WDR35: variants seen among roughly 807,000 people sequenced by gnomAD.
WDR35 encodes WD repeat-containing protein 35.
In WDR35, 118 loss-of-function variants were observed where a neutral mutation model predicts 158.3. That is an observed-to-expected ratio of 0.75 (90% CI 0.64 to 0.87). WDR35 has a LOEUF of 0.87. WDR35 is among the 40% of genes least tolerant of loss of function. WDR35 has a pLI of 0.00. For missense variants in WDR35, 1,263 were observed against 1,405.8 expected, an observed-to-expected ratio of 0.90 and a Z score of 1.62; for synonymous variants, 448 against 476.1, an observed-to-expected ratio of 0.94 and a Z score of 0.77.
In WDR35 at chr2:19,952,739, T is replaced by C. The variant is rs150744769; in HGVS notation, c.1400+1095A>G. On this transcript the variant is annotated intron_variant, in intron 12 of 26. Transcript: ENST00000281405. The stretch of plus-strand genomic sequence containing the variant: ...GAACAAAAGATATAACATTTTTCAA[T>C]CTTTTTTTCCTGCCTCCACATGAAT... Among the ~76,000 whole-genome samples, 15 of 151,554 alleles carry C rather than the reference T, an allele frequency of 9.9e-5. No homozygotes were observed. The East Asian group carries it at 1.4e-3, about 14-fold the overall frequency.
intron 16 of WDR35, among the ~76,000 whole-genome samples, chr2:19,944,771 G>A (rs1159952157): frequency 6.6e-6 from 1 of 152,050 alleles, no homozygotes; most frequent in Admixed American, 6.6e-5. Context: ...CAAAATTCCT[G>A]AGTAGGGCTC....
intron 20 of WDR35, 59 bp from the exon 21 acceptor site, chr2:19,935,662 C>A: frequency 6.3e-7 from 1 of 1,575,070 alleles, no homozygotes; most frequent in Non-Finnish European, 8.6e-7. Context: ...GATAAATAAG[C>A]ACTTTCAACC....
intron 13 of WDR35, 44 bp from the exon 14 acceptor site, chr2:19,948,261 T>C (rs1049746429): frequency 4.5e-6 from 7 of 1,540,966 alleles, no homozygotes; most frequent in Admixed American, 1.7e-5. Flanking sequence ...AAACATTTAT[T>C]GAATAACTAA....
chr2:19,962,101 T>C (rs569019916), intron 10 of WDR35, among the ~76,000 whole-genome samples: 18 of 152,340 alleles, frequency 1.2e-4, no homozygotes, highest in African/African-American at 4.1e-4. Context: ...TTATCATTGC[T>C]TACAAAAATG....
At chr2:19,956,769 C>T (rs1409629660) in intron 11 of WDR35, among the ~76,000 whole-genome samples, 4 of 151,662 alleles carry the variant, frequency 2.6e-5, no homozygotes, top group African/African-American at 4.8e-5. Flanking sequence ...TACAGGCGCG[C>T]GCCACCATGC....
intron 22 of WDR35, 79 bp downstream of exon 22, chr2:19,933,322 C>T (rs749052170): frequency 6.1e-6 from 7 of 1,153,388 alleles, no homozygotes; most frequent in Non-Finnish European, 7.8e-6. Context: ...TAAAAGATCA[C>T]TAGGGTGACT....
chr2:19,935,521 C>T lies in WDR35; in HGVS notation c.2497G>A (p.Gly833Arg). 1 of 1,613,150 alleles carries T rather than the reference C, an allele frequency of 6.2e-7. No individual in the cohort carries two copies. The highest frequency in any genetic ancestry group is 8.5e-7 in the Non-Finnish European group (1 of 1,179,570). The part of the protein sequence containing the change: ...ECYYMLEDYE[G>R]LENLAISLPE... ...AGTGAAATGGCAAGGTTCTCTAACCCTTCATAATCCTCTAACATATAGTAA... is the reference window on the plus strand; with the variant it reads ...AGTGAAATGGCAAGGTTCTCTAACCTTTCATAATCCTCTAACATATAGTAA... The change falls in exon 21 of 27, where the codon GGG (glycine) becomes AGG (arginine). Residue 833 changes from glycine (G) to arginine (R), a missense_variant. Coordinates refer to ENST00000281405, the MANE Select transcript of WDR35 (RefSeq NM_020779.4).
chr2:19,975,481 A>T, intron 6 of WDR35, 49 bp downstream of exon 6: 2 of 1,571,926 alleles, frequency 1.3e-6, no homozygotes. Context: ...GATATGTACG[A>T]TAATCATATA....
chr2:19,967,156 T>C (rs536443838), intron 9 of WDR35, among the ~76,000 whole-genome samples: 64 of 152,304 alleles, frequency 4.2e-4, no homozygotes, highest in Admixed American at 9.8e-4. Flanking sequence ...TTATTTTAAT[T>C]GGTAAGATTT....
chr2:19,985,238 A>T (rs1460499439), intron 2 of WDR35, among the ~76,000 whole-genome samples: 1 of 150,804 alleles, frequency 6.6e-6, no homozygotes, highest in Non-Finnish European at 1.5e-5. Context: ...CAGTCGTAGC[A>T]GAAAAAGCAA....
At chr2:19,930,820 G>C (rs1454635379) in intron 24 of WDR35, among the ~76,000 whole-genome samples, 1 of 152,154 alleles carries the variant, frequency 6.6e-6, no homozygotes, top group African/African-American at 2.4e-5. Flanking sequence ...GATCACTGGT[G>C]TGAGCACTGC....
At chr2:19,918,992 T>A (rs538539806) in intron 25 of WDR35, among the ~76,000 whole-genome samples, 6 of 152,142 alleles carry the variant, frequency 3.9e-5, no homozygotes, top group Non-Finnish European at 8.8e-5. Flanking sequence ...ACCACATAAT[T>A]GGAAGTAAAA....
At chr2:19,940,947 G>A (rs1419700004) in intron 17 of WDR35, among the ~76,000 whole-genome samples, 1 of 152,008 alleles carries the variant, frequency 6.6e-6, no homozygotes, top group African/African-American at 2.4e-5. Context: ...TTGGGTGGGG[G>A]CCCATCCCAT....
chr2:19,976,132 C>G (rs1041010066), intron 5 of WDR35, among the ~76,000 whole-genome samples: 1 of 152,156 alleles, frequency 6.6e-6, no homozygotes, highest in East Asian at 1.9e-4. Context: ...AAAGATCTCC[C>G]TTTATCGACT....
At chr2:19,959,250 A>G (rs916886151) in intron 11 of WDR35, among the ~76,000 whole-genome samples, 1 of 127,588 alleles carries the variant, frequency 7.8e-6, no homozygotes, top group African/African-American at 2.8e-5. Context: ...TTTTAAAAAA[A>G]CAGTCTACTT....
rs947385898 is a variant in WDR35, at chr2:19,936,443, G to A, written c.2268-78C>T. The A allele has an allele frequency of 1.9e-6, 3 of 1,599,648 alleles. No homozygotes were observed. The African/African-American group carries it at 4.0e-5, about 21-fold the overall frequency. On this transcript the variant is annotated intron_variant, in intron 19 of 26. Transcript: ENST00000281405. ...AAGAGCCTGCTGTGTGTTAGGTACA[G>A]TTCTAGGTGCTGAGGCTACACAGCA...
intron 2 of WDR35, among the ~76,000 whole-genome samples, chr2:19,988,764 C>G (rs188034703): frequency 7.0e-4 from 106 of 152,282 alleles, no homozygotes; most frequent in African/African-American, 2.5e-3. Context: ...TTCTTGGACA[C>G]TAGGTGAATA....
At chr2:19,977,759 CCT>C (rs1293887382) in intron 5 of WDR35, among the ~76,000 whole-genome samples, 1 of 152,164 alleles carries the variant, frequency 6.6e-6, no homozygotes, top group Admixed American at 6.5e-5. Flanking sequence ...CATGATCTGG[CCT>C]CTGTTTCTCT....
rs369995912 is a variant in WDR35, at chr2:19,990,000, T to A, written c.16A>T (p.Ser6Cys). 8.7e-6 allele frequency: 14 copies of A among 1,613,962 alleles called. No homozygotes were observed. The highest frequency in any genetic ancestry group is 1.2e-5 in the Non-Finnish European group (14 of 1,179,960). ...CCCCCCAGGAAACTCACTTTCTTGC[T>A]CAGGTAGAAGAACATCGTGGGATCC... is the stretch of plus-strand genomic sequence containing the variant. Reference protein sequence around the residue: MFFYLSKKISIPNNVK... With the variant: MFFYLCKKISIPNNVK... The change falls in exon 1 of 27, where the codon AGC becomes TGC. Residue 6 changes from serine (S) to cysteine (C), a missense_variant. Transcript: ENST00000281405.
Sources: allele counts gnomAD v4.1 joint callset (sites outside exome capture counted in the v4.1 genomes callset), GRCh38; gene constraint gnomAD v4.1.1; transcripts MANE v1.5; gene names NCBI Gene and HGNC (gene_info 2026-07-23, HGNC 2026-07-21).